Variants in NEBL observed in about 807,000 individuals in gnomAD.
NEBL encodes LIM and SH3 protein 2.
NEBL carries 122 observed loss-of-function variants against 140.2 expected under a neutral mutation model. The observed-to-expected ratio is 0.87, with a 90% confidence interval of 0.75 to 1.01. The LOEUF (loss-of-function observed/expected upper bound fraction) is 1.01, where lower values mean the gene tolerates loss of function less well. Ranked by LOEUF, NEBL falls within the 50% of genes least tolerant of loss-of-function variation. NEBL has a pLI of 0.00. For missense variants in NEBL, 1,365 were observed against 1,231.3 expected (o/e 1.11, Z -1.62); for synonymous variants, 436 against 398.9 (o/e 1.09, Z -1.11).
chr10:21,072,246 C>T (rs9663304), intron 2 of NEBL, among the ~76,000 whole-genome samples: 8,509 of 152,260 alleles, frequency 0.056, 439 homozygotes, highest in African/African-American at 0.14. Flanking sequence ...TTAGTCTCCT[C>T]ATAGCCCTCC....
intron 4 of NEBL, among the ~76,000 whole-genome samples, chr10:20,907,753 T>G (rs1848156663): frequency 6.6e-6 from 1 of 152,176 alleles, no homozygotes; most frequent in African/African-American, 2.4e-5. Context: ...AGAAAAGACC[T>G]TCATCAGTGA....
At chr10:21,207,789 C>T (rs1841850906) in intron 3 of NEBL, among the ~76,000 whole-genome samples, 1 of 152,190 alleles carries the variant, frequency 6.6e-6, no homozygotes, top group Non-Finnish European at 1.5e-5. Flanking sequence ...ACCTATGGAA[C>T]ATCTGTCTCT....
chr10:21,039,020 G>A (rs891470664), intron 2 of NEBL, among the ~76,000 whole-genome samples: 1 of 146,506 alleles, frequency 6.8e-6, no homozygotes, highest in Non-Finnish European at 1.5e-5. Flanking sequence ...CTTTTAAGAA[G>A]TGTTCTGTTC....
At chr10:20,812,064 A>C (rs770416774) in intron 24 of NEBL, among the ~76,000 whole-genome samples, 4 of 152,162 alleles carry the variant, frequency 2.6e-5, no homozygotes, top group Non-Finnish European at 4.4e-5. Flanking sequence ...CAGTCCAGAA[A>C]TAATATTTTT....
At chr10:21,029,882 G>T (rs539421861) in intron 2 of NEBL, 6 of 654,728 alleles carry the variant, frequency 9.2e-6, no homozygotes, top group Non-Finnish European at 1.7e-5. Flanking sequence ...TACAGAGGAG[G>T]CAGGGACCGC....
chr10:21,221,747 C>T (rs368594664), intron 3 of NEBL, among the ~76,000 whole-genome samples: 6 of 152,092 alleles, frequency 3.9e-5, no homozygotes, highest in African/African-American at 9.7e-5. Context: ...TCAAGTGATC[C>T]GCCCGCCTTG....
At chr10:21,219,795 G>A (rs1842041728) in intron 3 of NEBL, among the ~76,000 whole-genome samples, 1 of 145,786 alleles carries the variant, frequency 6.9e-6, no homozygotes, top group Admixed American at 6.8e-5. Flanking sequence ...GTGTACAGAT[G>A]TTTCACCTTG....
intron 3 of NEBL, among the ~76,000 whole-genome samples, chr10:21,012,725 C>T (rs1474191886): frequency 2.6e-5 from 4 of 152,062 alleles, no homozygotes; most frequent in African/African-American, 4.8e-5. Flanking sequence ...TATATTGAAA[C>T]GCCTAATACA....
At chr10:20,982,127 C>T (rs371021307) in intron 3 of NEBL, among the ~76,000 whole-genome samples, 1 of 152,204 alleles carries the variant, frequency 6.6e-6, no homozygotes, top group African/African-American at 2.4e-5. Context: ...CCCACCCTAA[C>T]AGAAAAGTGG....
At chr10:21,128,681 A>G (rs1472634800) in intron 2 of NEBL, among the ~76,000 whole-genome samples, 1 of 152,210 alleles carries the variant, frequency 6.6e-6, no homozygotes, top group Non-Finnish European at 1.5e-5. Flanking sequence ...GAAGACCAAC[A>G]AGAGAACATC....
chr10:20,819,304 A>G (rs1014413209), intron 20 of NEBL, 120 bp downstream of exon 20: 1 of 1,464,554 alleles, frequency 6.8e-7, no homozygotes, highest in Non-Finnish European at 9.5e-7. Flanking sequence ...ATTATTATGC[A>G]GTATTTGGTT....
At chr10:21,199,613 A>T (rs1427502929) in intron 3 of NEBL, among the ~76,000 whole-genome samples, 3 of 152,170 alleles carry the variant, frequency 2.0e-5, no homozygotes, top group Non-Finnish European at 4.4e-5. Flanking sequence ...GACTGATCTG[A>T]GAAGGAACTG....
At position 21,173,840 on chromosome 10, in the gene NEBL, G is replaced by C. The variant is rs141707642; in HGVS notation, c.-7C>G. On this transcript the variant is annotated 5_prime_UTR_variant, in exon 1 of 7. Coordinates refer to the NEBL transcript ENST00000417816. This position sits in a 1 kb window ranked among gnomAD's most constrained non-coding sequence, Gnocchi z 5.7. ...GGGCGCACTGGGGGTTCATGATCGC[G>C]GTTCCCGGGGGCGGCGGCGGCGGCG... is the stretch of plus-strand genomic sequence containing the variant. The C allele has an allele frequency of 6.2e-7, 1 of 1,610,848 alleles. No individual in the cohort carries two copies. Among genetic ancestry groups the C allele is most frequent in the Non-Finnish European group, 8.5e-7 (1 of 1,179,468 alleles).
rs576185948 is a variant in NEBL, at chr10:20,933,329, A to G, written c.357+28343T>C. 7.2e-5 allele frequency among the ~76,000 whole-genome samples: 11 copies of G among 152,346 alleles called. No individual in the cohort carries two copies. The South Asian group carries it at 2.1e-3, about 29-fold the overall frequency. ...TTAAGAACTAGTTTTTTCACAACAAATATGACTCCAAAGTTATTTTCAGAA... is the reference window on the plus strand; with the variant it reads ...TTAAGAACTAGTTTTTTCACAACAAGTATGACTCCAAAGTTATTTTCAGAA... On this transcript the variant is annotated intron_variant, in intron 4 of 6. Transcript: ENST00000417816.
intron 3 of NEBL, among the ~76,000 whole-genome samples, chr10:21,000,307 C>T (rs1837842598): frequency 6.6e-6 from 1 of 151,968 alleles, no homozygotes; most frequent in Non-Finnish European, 1.5e-5. Flanking sequence ...CCCAGCATGG[C>T]CCCAGGAAAT....
At chr10:21,250,493 C>A (rs561747413) in intron 2 of NEBL, among the ~76,000 whole-genome samples, 1 of 152,270 alleles carries the variant, frequency 6.6e-6, no homozygotes, top group East Asian at 1.9e-4. Flanking sequence ...ATAAACCACC[C>A]TTTATATATA....
chr10:21,232,668 T>G (rs1252267868), intron 3 of NEBL, among the ~76,000 whole-genome samples: 1 of 152,206 alleles, frequency 6.6e-6, no homozygotes, highest in African/African-American at 2.4e-5. Context: ...GCAGATCTGA[T>G]GAGGCGGAGC....
At chr10:21,133,442 G>A (rs1364453151) in intron 2 of NEBL, among the ~76,000 whole-genome samples, 1 of 152,164 alleles carries the variant, frequency 6.6e-6, no homozygotes, top group Non-Finnish European at 1.5e-5. Flanking sequence ...TCCATAAGGG[G>A]TTGATGAAGA....
Position 21,111,482 on chromosome 10 carries a change from C to A in NEBL, c.164+60901G>T, listed in dbSNP as rs563425891. On this transcript the variant is annotated intron_variant, in intron 2 of 6. Transcript: ENST00000417816. ...CTTTGATAAACCTGACAAAAACAAGCAATGGGGAAAGGATGCCCTATTTAA... is the reference window on the plus strand; with the variant it reads ...CTTTGATAAACCTGACAAAAACAAGAAATGGGGAAAGGATGCCCTATTTAA... Among the ~76,000 whole-genome samples, 19 of 152,016 alleles carry A rather than the reference C, an allele frequency of 1.2e-4. 1 individual carries two copies. The South Asian group carries it at 3.7e-3, about 30-fold the overall frequency.
Sources: allele counts gnomAD v4.1 joint callset (sites outside exome capture counted in the v4.1 genomes callset), GRCh38; gene constraint gnomAD v4.1.1; non-coding constraint Gnocchi (gnomAD v3.1); transcripts MANE v1.5; gene names NCBI Gene and HGNC (gene_info 2026-07-23, HGNC 2026-07-21).